The following TRPM1 variants were observed in gnomAD, a reference collection of about 807,000 sequenced individuals.
TRPM1 encodes the protein transient receptor potential cation channel subfamily M member 1, also known as TRPM1-203 APA Isoform, Intron 10.
In TRPM1, 113 loss-of-function variants were observed where a neutral mutation model predicts 149.4. The observed-to-expected ratio is 0.76, with a 90% CI of 0.65 to 0.88. The LOEUF (loss-of-function observed/expected upper bound fraction) is 0.88, where lower values mean the gene tolerates loss of function less well. Among genes scored for constraint, TRPM1 ranks in the 40% least tolerant of loss-of-function variants. The probability of loss-of-function intolerance (pLI) is 0.00; values close to 1 mark genes in which losing one functional copy is unlikely to be tolerated. For missense variants in TRPM1, 1,976 were observed against 2,038.7 expected (o/e 0.97, Z 0.59); for synonymous variants, 741 against 759.5 (o/e 0.98, Z 0.40).
chr15:31,145,078 A>G (rs2036208057), intron 1 of TRPM1, among the ~76,000 whole-genome samples: 1 of 152,132 alleles, frequency 6.6e-6, no homozygotes, highest in South Asian at 2.1e-4. Flanking sequence ...AACTTCTTCT[A>G]ATTTTCTCCA....
At chr15:31,106,229 C>A (rs2035604482), upstream of TRPM1, among the ~76,000 whole-genome samples, 1 of 151,578 alleles carries the variant, frequency 6.6e-6, no homozygotes, top group Non-Finnish European at 1.5e-5. Flanking sequence ...ACCTCTGTCT[C>A]CTGGGTTCAA....
rs998108508 is a variant in TRPM1, at chr15:31,050,564, G to T, written c.1282C>A (p.Pro428Thr). ...PHWPPLGSLA[P>T]PTDSKATEKE... is the part of the protein sequence containing the mutation. ...TCCGTGGCTTTGCTGTCCGTCGGGG[G>T]TGCCAGGCTTCCCAGGGGCTGCAGT... is the stretch of plus-strand genomic sequence containing the variant. The change falls in exon 12 of 28, where the codon CCC becomes ACC. Residue 428 changes from proline to threonine, a missense_variant. Coordinates refer to ENST00000256552, the MANE Select transcript of TRPM1 (RefSeq NM_001252024.2). The T allele has an allele frequency of 5.0e-6, 8 of 1,613,908 alleles. No homozygotes were observed. The highest frequency in any genetic ancestry group is 1.3e-5 in the African/African-American group (1 of 74,856).
chr15:31,054,377 C>T (rs929800000), intron 11 of TRPM1, among the ~76,000 whole-genome samples: 5 of 151,836 alleles, frequency 3.3e-5, no homozygotes, highest in African/African-American at 1.2e-4. Flanking sequence ...TCACTGCAAC[C>T]TCCGGCTCCC....
chr15:31,045,236 A>T (rs1013842526), intron 16 of TRPM1, among the ~76,000 whole-genome samples: 2 of 152,254 alleles, frequency 1.3e-5, no homozygotes, highest in Non-Finnish European at 2.9e-5. Context: ...TGTTTAGCTC[A>T]TAAATTTATT....
intron 1 of TRPM1, among the ~76,000 whole-genome samples, chr15:31,091,127 T>C (rs989714225): frequency 2.0e-5 from 3 of 152,224 alleles, no homozygotes; most frequent in Non-Finnish European, 2.9e-5. Flanking sequence ...GGTGGACTGA[T>C]GACATTGTCT....
chr15:31,117,927 G>A (rs1215706981), intron 1 of TRPM1, among the ~76,000 whole-genome samples: 1 of 152,154 alleles, frequency 6.6e-6, no homozygotes, highest in Non-Finnish European at 1.5e-5. Context: ...TAAGAATTAA[G>A]AGAAGGAACA....
intron 1 of TRPM1, among the ~76,000 whole-genome samples, chr15:31,113,457 G>A (rs2338859): frequency 0.061 from 9,150 of 151,010 alleles, 984 homozygotes; most frequent in African/African-American, 0.21. Context: ...AAATCTCTAA[G>A]GTATAGAGAT....
At chr15:31,079,287 C>T (rs1333247244) in intron 2 of TRPM1, among the ~76,000 whole-genome samples, 3 of 152,154 alleles carry the variant, frequency 2.0e-5, no homozygotes, top group African/African-American at 7.2e-5. Flanking sequence ...TTCTATGGAC[C>T]AGGAGTTGAA....
intron 27 of TRPM1, among the ~76,000 whole-genome samples, chr15:31,010,736 A>C (rs577421333): frequency 6.6e-6 from 1 of 152,292 alleles, no homozygotes; most frequent in Admixed American, 6.5e-5. Flanking sequence ...TTATAAAATG[A>C]ATATATATTT....
intron 25 of TRPM1, among the ~76,000 whole-genome samples, chr15:31,027,893 T>C (rs2032860737): frequency 6.6e-6 from 1 of 152,238 alleles, no homozygotes. Context: ...GCCATTTTTT[T>C]CTTAGGCCAT....
intron 12 of TRPM1, 102 bp downstream of exon 12, chr15:31,050,307 T>C: frequency 1.3e-6 from 2 of 1,559,476 alleles, no homozygotes; most frequent in Non-Finnish European, 1.8e-6. Flanking sequence ...CCGTCCCTCC[T>C]GGGATCAGGG....
intron 2 of TRPM1, among the ~76,000 whole-genome samples, chr15:31,077,852 C>T (rs118171162): frequency 1.5e-3 from 224 of 151,200 alleles, no homozygotes; most frequent in Non-Finnish European, 2.6e-3. Flanking sequence ...TGGGTGTGTG[C>T]GCACGCATGT....
rs1254047413 is a variant in TRPM1, at chr15:31,002,809, A to G, written c.3891T>C (p.Tyr1297=). Residue 1297 remains tyrosine, a synonymous_variant, in exon 28 of 28, where the codon TAT becomes TAC. Coordinates refer to ENST00000256552, the MANE Select transcript of TRPM1 (RefSeq NM_001252024.2). ...NSADGYSLYR[Y]HFNGEELLFE... ...ATAATAACTCTTCTCCGTTAAAATG[A>G]TATCGATACAAGCTGTAGCCATCAG... is the stretch of plus-strand genomic sequence containing the variant. The G allele has an allele frequency of 1.9e-6, 3 of 1,614,220 alleles. No individual in the cohort carries two copies. The African/African-American group carries it at 4.0e-5, about 22-fold the overall frequency.
rs531252770 is a variant in TRPM1, at chr15:31,150,219, C to T, written c.54+10687G>A. 3.5e-4 allele frequency among the ~76,000 whole-genome samples: 53 copies of T among 152,270 alleles called. 1 individual carries two copies. In the South Asian group the frequency reaches 0.011, roughly 32 times the overall value. ...GGGTTAAAAGGAGGTTTCTTTCCTG[C>T]AGGACTTATCAGAGCCTTTAGTTTG... On this transcript the variant is annotated intron_variant, in intron 1 of 26. Coordinates refer to the TRPM1 transcript ENST00000542188.
intron 27 of TRPM1, among the ~76,000 whole-genome samples, chr15:31,013,940 A>G (rs925026385): frequency 3.3e-5 from 5 of 152,200 alleles, no homozygotes; most frequent in African/African-American, 1.2e-4. Context: ...GAGAAGCTGT[A>G]TGTGTATATA....
At chr15:31,113,749 T>A (rs1008033641) in intron 1 of TRPM1, among the ~76,000 whole-genome samples, 1 of 152,204 alleles carries the variant, frequency 6.6e-6, no homozygotes, top group South Asian at 2.1e-4. Flanking sequence ...GAATGAAGCA[T>A]GCGGACCTTC....
Position 31,001,827 on chromosome 15 carries a change from A to G in TRPM1, c.4873T>C (p.Cys1625Arg). The change falls in exon 28 of 28, where the codon TGC becomes CGC. Residue 1625 changes from cysteine to arginine, a missense_variant. Coordinates refer to ENST00000256552, the MANE Select transcript of TRPM1 (RefSeq NM_001252024.2). ...KKEKASTETEC is the reference protein window; with the variant it reads ...KKEKASTETER ...AATTAAAGAAACAAAACAGACTAGC[A>G]TTCAGTTTCTGTGGAAGCTTTCTCT... 1 of 1,610,852 alleles carries G rather than the reference A, an allele frequency of 6.2e-7. No homozygotes were observed. Among genetic ancestry groups the G allele is most frequent in the Non-Finnish European group, 8.5e-7 (1 of 1,179,806 alleles).
intron 1 of TRPM1, among the ~76,000 whole-genome samples, chr15:31,098,542 G>A (rs1427301095): frequency 6.6e-6 from 1 of 152,126 alleles, no homozygotes; most frequent in Non-Finnish European, 1.5e-5. Flanking sequence ...TCTTCTGTGG[G>A]GTTTTCCAAC....
intron 7 of TRPM1, chr15:31,065,287 T>A (rs1043181805): frequency 8.0e-6 from 3 of 376,906 alleles, no homozygotes; most frequent in Admixed American, 3.0e-5. Flanking sequence ...TTCTACCCAC[T>A]CTGCAGCATC....
Sources: allele counts gnomAD v4.1 joint callset (sites outside exome capture counted in the v4.1 genomes callset), GRCh38; gene constraint gnomAD v4.1.1; transcripts MANE v1.5; gene names NCBI Gene and HGNC (gene_info 2026-07-23, HGNC 2026-07-21).